KHNYN: variants seen among roughly 807,000 people sequenced by gnomAD.
KHNYN encodes the protein KH and NYN domain containing.
Under a neutral mutation model 62.7 loss-of-function variants are expected in KHNYN, and 42 were observed. That is an observed-to-expected ratio of 0.67 (90% CI 0.52 to 0.87). KHNYN has a LOEUF of 0.87. KHNYN is among the 40% of genes least tolerant of loss of function. The pLI, the probability that KHNYN is intolerant of heterozygous loss-of-function variation, is 0.00. For missense variants in KHNYN, 829 were observed against 874.1 expected (o/e 0.95, Z 0.65); for synonymous variants, 347 against 345.6 (o/e 1.00, Z -0.04).
At chr14:24,435,666 C>T (rs117942292) in intron 5 of KHNYN, 303 of 203,426 alleles carry the variant, frequency 1.5e-3, no homozygotes, top group Non-Finnish European at 2.6e-3. Context: ...TGTTTACTAA[C>T]GAGGCACAAA....
upstream of KHNYN, chr14:24,428,036 AC>A (rs772214814): frequency 3.1e-5 from 48 of 1,557,696 alleles, no homozygotes; most frequent in East Asian, 6.8e-5. Flanking sequence ...TTAGCTCAGG[AC>A]CCCCCACTTT....
At chr14:24,427,517 C>T (rs1244454664), upstream of KHNYN, 10 of 443,278 alleles carry the variant, frequency 2.3e-5, no homozygotes, top group Non-Finnish European at 4.0e-5. The surrounding 1 kb of genome is among the most constrained non-coding windows in gnomAD (Gnocchi z 4.4). Flanking sequence ...TCCTTCTTGC[C>T]AAACCTTGCC....
chr14:24,436,066 A>G lies in KHNYN; in HGVS notation c.1578-6A>G. On this transcript the variant is annotated splice_region_variant and splice_polypyrimidine_tract_variant and intron_variant, in intron 5 of 7. Coordinates refer to ENST00000553935, the MANE Select transcript of KHNYN (RefSeq NM_015299.3). ...CCTCTCTCGGTTGCTGTGGTTTTGG[A>G]GACAGGTTCATGGTGAAGCTGGCTG... is the stretch of plus-strand genomic sequence containing the variant. The G allele has an allele frequency of 2.5e-6, 4 of 1,612,550 alleles. No individual in the cohort carries two copies. The highest frequency in any genetic ancestry group is 3.4e-6 in the Non-Finnish European group (4 of 1,178,666).
chr14:24,433,773 C>T (rs1303355347), intron 5 of KHNYN, among the ~76,000 whole-genome samples: 3 of 152,206 alleles, frequency 2.0e-5, no homozygotes, highest in African/African-American at 2.4e-5. Context: ...GTCGTGGAGA[C>T]AGAGGGTCAG....
At chr14:24,430,247 G>T in intron 1 of KHNYN, 128 bp downstream of exon 1, 1 of 812,600 alleles carries the variant, frequency 1.2e-6, no homozygotes. Context: ...CTGGGCCCTG[G>T]GCGGTGCTCC....
rs746657395 is a variant in KHNYN at position 24,440,298 on chromosome 14, C to T, written c.*3013C>T. ...GTCTGGGCAAACTCAGCATTAGTGG[C>T]GGAGGATGGAGCCACTCCATTCAGG... On this transcript the variant is annotated 3_prime_UTR_variant, in exon 8 of 8. Coordinates refer to ENST00000553935, the MANE Select transcript of KHNYN (RefSeq NM_015299.3). 1.1e-5 allele frequency: 18 copies of T among 1,613,806 alleles called. No individual in the cohort carries two copies. The highest frequency in any genetic ancestry group is 5.3e-5 in the African/African-American group (4 of 74,912).
chr14:24,441,802 G>A lies in KHNYN; in HGVS notation c.*4517G>A. 1 of 1,604,392 alleles carries A rather than the reference G, an allele frequency of 6.2e-7. No homozygotes were observed. The highest frequency in any genetic ancestry group is 1.1e-5 in the South Asian group (1 of 89,330). ...TTGGAAGGTTTCATTCCATCTGCAGGAGAAACATGGGAAATAAAAAGCCAC... is the reference window on the plus strand; with the variant it reads ...TTGGAAGGTTTCATTCCATCTGCAGAAGAAACATGGGAAATAAAAAGCCAC... On this transcript the variant is annotated 3_prime_UTR_variant, in exon 8 of 8. Coordinates refer to ENST00000553935, the MANE Select transcript of KHNYN (RefSeq NM_015299.3).
At position 24,440,335 on chromosome 14, in the gene KHNYN, G is replaced by A. The variant is rs765203112; in HGVS notation, c.*3050G>A. Reference sequence around the variant, plus strand: ...CCACTCCATTCAGGACCCCGTGCACGTGGTTTGCTTCAAGGGCATGGGTCA... The same window carrying A: ...CCACTCCATTCAGGACCCCGTGCACATGGTTTGCTTCAAGGGCATGGGTCA... On this transcript the variant is annotated 3_prime_UTR_variant, in exon 8 of 8. Transcript: ENST00000553935. The A allele has an allele frequency of 1.4e-5, 23 of 1,613,928 alleles. No individual in the cohort carries two copies. The highest frequency in any genetic ancestry group is 2.7e-5 in the African/African-American group (2 of 74,938).
At position 24,437,121 on chromosome 14, in the gene KHNYN, GGTA is replaced by G. The variant is rs1395398251; in HGVS notation, c.1876_1878del (p.Ser626del). The G allele has an allele frequency of 6.2e-7, 1 of 1,614,214 alleles. No individual in the cohort carries two copies. The highest frequency in any genetic ancestry group is 1.3e-5 in the African/African-American group (1 of 75,044). On this transcript the variant is annotated inframe_deletion, in exon 8 of 8. Transcript: ENST00000553935. This position sits in a 1 kb window ranked among gnomAD's most constrained non-coding sequence, Gnocchi z 5.5. ...GCAGCAGGGGAGAGAAGAGGAAAAA[GGTA>G]GTGGTGGCATTCGGAAGACCCGGGA...
intron 2 of KHNYN, among the ~76,000 whole-genome samples, chr14:24,431,147 C>G (rs1355968736): frequency 6.6e-6 from 1 of 152,144 alleles, no homozygotes; most frequent in Non-Finnish European, 1.5e-5. Context: ...CTGTGATGGC[C>G]CAGGCTGGCA....
chr14:24,436,363 CCA>C lies in KHNYN; in HGVS notation c.1686-20_1686-19del. ...AGGTGGGCAAGGGCCCCCTCTGTGACCACACATTATCTTTCGCCATCCAGCCT... is the reference window on the plus strand; with the variant it reads ...AGGTGGGCAAGGGCCCCCTCTGTGACCACATTATCTTTCGCCATCCAGCCT... On this transcript the variant is annotated intron_variant, in intron 6 of 7. Transcript: ENST00000553935. The C allele has an allele frequency of 3.1e-6, 5 of 1,600,344 alleles. No homozygotes were observed. In the African/African-American group the frequency reaches 6.7e-5, roughly 21 times the overall value.
chr14:24,435,834 T>C (rs1400042702), intron 5 of KHNYN: 1 of 534,374 alleles, frequency 1.9e-6, no homozygotes, highest in African/African-American at 1.9e-5. Flanking sequence ...TCACCAGAAG[T>C]GGCCTATGGG....
At position 24,439,480 on chromosome 14, in the gene KHNYN, C is replaced by T. The variant is rs2043259882; in HGVS notation, c.*2195C>T. On this transcript the variant is annotated 3_prime_UTR_variant, in exon 8 of 8. Coordinates refer to ENST00000553935, the MANE Select transcript of KHNYN (RefSeq NM_015299.3). ...GCTATCCTACACCTGGGCCTTACCT[C>T]TTCCTCTACTGGCATCCTAATGGCA... 6.6e-6 allele frequency: 1 copy of T among 152,330 alleles called. No homozygotes were observed. 9.4% of individuals were successfully genotyped at this position (152,330 alleles called of 1,614,324 possible).
rs909315844 is a variant in KHNYN, at chr14:24,436,940, C to T, written c.1788-96C>T. ...AACTTCAGGATTTCTCCCCCAAAGC[C>T]AGGAATAGGCAGGACAATTACGAGA... On this transcript the variant is annotated intron_variant, in intron 7 of 7. Transcript: ENST00000553935. 6.1e-6 allele frequency: 9 copies of T among 1,478,364 alleles called. No individual in the cohort carries two copies. In the East Asian group the frequency reaches 1.1e-4, roughly 19 times the overall value. The allele number at this position is 1,478,364 out of a possible 1,614,324, so 91.6% of individuals were successfully genotyped here. A position where few individuals can be genotyped will look rare whatever the true frequency, so the allele number is the denominator to read the frequency against.
chr14:24,436,534 CCCT>C, intron 7 of KHNYN, 45 bp downstream of exon 7: 1 of 1,412,980 alleles, frequency 7.1e-7, no homozygotes, highest in Non-Finnish European at 9.8e-7. Flanking sequence ...CCACCCCTGG[CCCT>C]CTCTCAGCAG....
At position 24,431,750 on chromosome 14, in the gene KHNYN, C is replaced by A; in HGVS notation, c.489C>A (p.Asp163Glu). 2 of 1,614,186 alleles carry A rather than the reference C, an allele frequency of 1.2e-6. No homozygotes were observed. The highest frequency in any genetic ancestry group is 1.7e-6 in the Non-Finnish European group (2 of 1,180,034). ...CTCAGTGTACTGGAGTGCTGAGAGACTTCTCTGCCCTGCTGCAGTCCCCGG... is the reference window on the plus strand; with the variant it reads ...CTCAGTGTACTGGAGTGCTGAGAGAATTCTCTGCCCTGCTGCAGTCCCCGG... ...GASQCTGVLR[D>E]FSALLQSPGD... Residue 163 changes from aspartate (D) to glutamate (E), a missense_variant, in exon 3 of 8, where the codon GAC (aspartate) becomes GAA (glutamate). This residue lies in a region of KHNYN where 559 missense variants were observed against 527.0 expected (regional missense o/e 1.06). Coordinates refer to ENST00000553935, the MANE Select transcript of KHNYN (RefSeq NM_015299.3).
rs535213536 is a variant in KHNYN at position 24,431,451 on chromosome 14, C to T, written c.202-12C>T. The stretch of plus-strand genomic sequence containing the variant: ...AGTTTACTTTTCCTGACCTTCCCTT[C>T]CTCCCAACCAGGAGTACCTGAAGGG... On this transcript the variant is annotated splice_polypyrimidine_tract_variant and intron_variant, in intron 2 of 7. Coordinates refer to ENST00000553935, the MANE Select transcript of KHNYN (RefSeq NM_015299.3). 6.5e-7 allele frequency: 1 copy of T among 1,544,942 alleles called. No individual in the cohort carries two copies. Among genetic ancestry groups the T allele is most frequent in the Non-Finnish European group, 8.8e-7 (1 of 1,142,010 alleles).
Position 24,432,256 on chromosome 14 carries a change from G to C in KHNYN, c.995G>C (p.Cys332Ser). The C allele has an allele frequency of 6.2e-7, 1 of 1,612,372 alleles. No individual in the cohort carries two copies. The highest frequency in any genetic ancestry group is 1.3e-5 in the African/African-American group (1 of 75,016). Reference sequence around the variant, plus strand: ...GAGCCTCCCGGTGCCCATGGCTCCTGTCACAGGGCAGCTCAGTCCCGAGGA... The same window carrying C: ...GAGCCTCCCGGTGCCCATGGCTCCTCTCACAGGGCAGCTCAGTCCCGAGGA... ...HREPPGAHGSCHRAAQSRGAS... is the reference protein window; with the variant it reads ...HREPPGAHGSSHRAAQSRGAS... Residue 332 changes from cysteine (C) to serine (S), a missense_variant, in exon 3 of 8, where the codon TGT becomes TCT. By Grantham distance (112) the Cys-to-Ser change is moderately radical (BLOSUM62 -1). This residue lies in a region of KHNYN where 559 missense variants were observed against 527.0 expected (regional missense o/e 1.06). Transcript: ENST00000553935. This position sits in a 1 kb window ranked among gnomAD's most constrained non-coding sequence, Gnocchi z 5.6.
At chr14:24,429,087 G>C, upstream of KHNYN, 1 of 1,463,388 alleles carries the variant, frequency 6.8e-7, no homozygotes, top group Non-Finnish European at 9.1e-7. Flanking sequence ...CAAGTGCCCC[G>C]GTCTTCTGCC....
Sources: allele counts gnomAD v4.1 joint callset (sites outside exome capture counted in the v4.1 genomes callset), GRCh38; gene constraint gnomAD v4.1.1; regional missense constraint gnomAD v4.1.1; non-coding constraint Gnocchi (gnomAD v3.1); transcripts MANE v1.5; gene names NCBI Gene and HGNC (gene_info 2026-07-23, HGNC 2026-07-21).